Variants in AXDND1 observed in about 807,000 individuals in gnomAD.
AXDND1 encodes the protein axonemal dynein light chain domain containing 1.
AXDND1 carries 110 observed loss-of-function variants against 137.5 expected under a neutral mutation model. The observed-to-expected ratio is 0.80, with a 90% CI of 0.69 to 0.94. The LOEUF is 0.94. AXDND1 is among the 40% of genes least tolerant of loss of function. AXDND1 has a pLI of 0.00. For missense variants in AXDND1, 1,191 were observed against 1,169.8 expected (o/e 1.02, Z -0.26); for synonymous variants, 414 against 399.7 (o/e 1.04, Z -0.43).
chr1:179,526,480 G>A (rs1670538854), intron 22 of AXDND1, among the ~76,000 whole-genome samples: 2 of 152,134 alleles, frequency 1.3e-5, no homozygotes, highest in Non-Finnish European at 2.9e-5. Context: ...GTTAAGTCTG[G>A]CACAAGACCC....
intron 17 of AXDND1, among the ~76,000 whole-genome samples, chr1:179,471,618 A>G (rs1663944957): frequency 6.6e-6 from 1 of 152,174 alleles, no homozygotes; most frequent in Admixed American, 6.5e-5. Flanking sequence ...ACTTAGCTAA[A>G]TGTTTGTTAA....
chr1:179,367,222 AAAAT>A (rs962397731), intron 2 of AXDND1, among the ~76,000 whole-genome samples: 22 of 151,136 alleles, frequency 1.5e-4, no homozygotes, highest in East Asian at 3.9e-4. Flanking sequence ...ACCCCATCTC[AAAAT>A]AAATAAATAA....
upstream of AXDND1, chr1:179,365,837 A>T (rs1667330530): frequency 6.6e-6 from 1 of 152,250 alleles, no homozygotes; most frequent in African/African-American, 2.4e-5. Context: ...GACTTAGAAC[A>T]TAAGAAACTC....
chr1:179,412,051 A>G (rs1486846200), intron 12 of AXDND1, among the ~76,000 whole-genome samples: 1 of 152,024 alleles, frequency 6.6e-6, no homozygotes, highest in South Asian at 2.1e-4. Context: ...GGATTTCTCT[A>G]TGTTGCCCTG....
At chr1:179,424,716 C>G (rs1327266239) in intron 12 of AXDND1, among the ~76,000 whole-genome samples, 2 of 152,076 alleles carry the variant, frequency 1.3e-5, no homozygotes, top group African/African-American at 2.4e-5. Flanking sequence ...AGGCGTGAGC[C>G]ACCATGCCTG....
intron 25 of AXDND1, chr1:179,544,082 A>G (rs1257940135): frequency 2.0e-5 from 3 of 152,640 alleles, no homozygotes; most frequent in African/African-American, 7.2e-5. Context: ...TCACTGCGTT[A>G]TAGAGCTGAT....
chr1:179,378,562 T>C (rs1404147854), intron 4 of AXDND1, 75 bp from the exon 5 acceptor site: 14 of 1,185,442 alleles, frequency 1.2e-5, no homozygotes, highest in Admixed American at 2.2e-5. Flanking sequence ...GAAGGATATG[T>C]GTGGATCTCA....
At chr1:179,497,329 C>T (rs1029379374) in intron 20 of AXDND1, among the ~76,000 whole-genome samples, 1 of 152,052 alleles carries the variant, frequency 6.6e-6, no homozygotes, top group Non-Finnish European at 1.5e-5. Context: ...GTTTTTGCTT[C>T]ATGTATTTTG....
intron 16 of AXDND1, chr1:179,447,717 A>T: frequency 7.4e-7 from 1 of 1,347,598 alleles, no homozygotes; most frequent in Non-Finnish European, 1.1e-6. Flanking sequence ...GCATGACTTT[A>T]CCTAAACTAT....
chr1:179,460,979 A>T (rs1394454809), intron 16 of AXDND1, among the ~76,000 whole-genome samples: 4 of 152,140 alleles, frequency 2.6e-5, no homozygotes, highest in African/African-American at 9.6e-5. Flanking sequence ...AGATTCTAAA[A>T]ATTTTCTCCC....
intron 12 of AXDND1, among the ~76,000 whole-genome samples, chr1:179,419,132 A>G (rs1434663779): frequency 6.9e-6 from 1 of 145,012 alleles, no homozygotes; most frequent in Non-Finnish European, 1.5e-5. Context: ...CACTTTCCAG[A>G]CTGGGCAGCC....
At chr1:179,545,776 T>C (rs1672586477) in intron 25 of AXDND1, 1 of 152,192 alleles carries the variant, frequency 6.6e-6, no homozygotes. Context: ...GTCAGCTCCA[T>C]TGCGTAGAAG....
At chr1:179,403,590 T>G (rs1206808572) in intron 11 of AXDND1, among the ~76,000 whole-genome samples, 1 of 152,232 alleles carries the variant, frequency 6.6e-6, no homozygotes, top group Non-Finnish European at 1.5e-5. Context: ...ACTTTATTTT[T>G]TGAGACAGAG....
chr1:179,394,458 C>G (rs1214493212), intron 10 of AXDND1, among the ~76,000 whole-genome samples: 1 of 152,052 alleles, frequency 6.6e-6, no homozygotes, highest in African/African-American at 2.4e-5. Flanking sequence ...GGCGTGGTGG[C>G]ACATGCCTAT....
chr1:179,429,525 A>G lies in AXDND1; in HGVS notation c.1238A>G (p.Glu413Gly). ...AGTACATTATTTTTATAGGTGATTG[A>G]AAGAAATAGAGTCATATTGGCTAGA... ...ATYELALKVI[E>G]RNRVILARRL... Residue 413 changes from glutamate to glycine, a missense_variant, in exon 13 of 26, where the codon GAA becomes GGA. By Grantham distance (98) the Glu-to-Gly change is moderately conservative. Transcript: ENST00000367618. 6.7e-7 allele frequency: 1 copy of G among 1,499,032 alleles called. No homozygotes were observed. The allele number at this position is 1,499,032 out of a possible 1,614,324, so 92.9% of individuals were successfully genotyped here. A position where few individuals can be genotyped will look rare whatever the true frequency, so the allele number is the denominator to read the frequency against.
chr1:179,523,710 A>G (rs1328462317), intron 21 of AXDND1, among the ~76,000 whole-genome samples: 1 of 152,020 alleles, frequency 6.6e-6, no homozygotes, highest in Non-Finnish European at 1.5e-5. Context: ...TCAGAACATC[A>G]TTCCTTTTTT....
At chr1:179,447,494 A>C in intron 16 of AXDND1, 1 of 474,556 alleles carries the variant, frequency 2.1e-6, no homozygotes, top group Non-Finnish European at 3.7e-6. Flanking sequence ...CATTAGGAAT[A>C]GGTATAGATT....
intron 20 of AXDND1, among the ~76,000 whole-genome samples, chr1:179,501,067 C>T (rs1003869567): frequency 2.6e-5 from 4 of 152,096 alleles, no homozygotes; most frequent in African/African-American, 9.7e-5. Flanking sequence ...CATATTGGAC[C>T]ACACATATAT....
intron 11 of AXDND1, among the ~76,000 whole-genome samples, chr1:179,407,287 G>T (rs1433509830): frequency 6.6e-6 from 1 of 151,360 alleles, no homozygotes; most frequent in South Asian, 2.1e-4. Flanking sequence ...GAGTGTAGTG[G>T]TGTGATCTCA....
Sources: allele counts gnomAD v4.1 joint callset (sites outside exome capture counted in the v4.1 genomes callset), GRCh38; gene constraint gnomAD v4.1.1; transcripts MANE v1.5; gene names NCBI Gene and HGNC (gene_info 2026-07-23, HGNC 2026-07-21).